Variants in KLHL32 observed in about 807,000 individuals in gnomAD.
The protein encoded by KLHL32 is kelch like family member 32.
Under a neutral mutation model 64.8 loss-of-function variants are expected in KLHL32, and 35 were observed. That is an observed-to-expected ratio of 0.54 (90% CI 0.41 to 0.72). The LOEUF (loss-of-function observed/expected upper bound fraction) is 0.72, where lower values mean the gene tolerates loss of function less well. Ranked by LOEUF, KLHL32 falls within the 30% of genes least tolerant of loss-of-function variation. KLHL32 has a pLI of 0.00. For synonymous variants in KLHL32, 259 were observed against 281.0 expected, an observed-to-expected ratio of 0.92 and a Z score of 0.78; for missense variants, 589 against 768.5, an observed-to-expected ratio of 0.77 and a Z score of 2.76.
At chr6:96,973,949 T>A (rs969511695) in intron 2 of KLHL32, among the ~76,000 whole-genome samples, 1 of 152,088 alleles carries the variant, frequency 6.6e-6, no homozygotes, top group Non-Finnish European at 1.5e-5. Flanking sequence ...CTTGAACTCC[T>A]GACCTCAAGT....
chr6:97,070,094 A>G (rs1259041879), intron 5 of KLHL32, among the ~76,000 whole-genome samples: 1 of 152,088 alleles, frequency 6.6e-6, no homozygotes, highest in Non-Finnish European at 1.5e-5. Flanking sequence ...ACATTAGAGA[A>G]GACAAATGAT....
rs886348703 is a variant in KLHL32 at position 96,982,915 on chromosome 6, A to G, written c.204+6738A>G. ...TGCCCTGGCCACAACTTCCAACACT[A>G]TGTTCAATAGGAGTGGTGAGAGAGG... is the stretch of plus-strand genomic sequence containing the variant. On this transcript the variant is annotated intron_variant, in intron 3 of 10. Transcript: ENST00000369261. 1.1e-4 allele frequency among the ~76,000 whole-genome samples: 17 copies of G among 152,354 alleles called. No individual in the cohort carries two copies. The East Asian group carries it at 2.7e-3, about 24-fold the overall frequency.
At chr6:96,945,633 G>A (rs1367214953) in intron 1 of KLHL32, among the ~76,000 whole-genome samples, 2 of 152,196 alleles carry the variant, frequency 1.3e-5, no homozygotes, top group Non-Finnish European at 2.9e-5. Flanking sequence ...AAACCCCTAT[G>A]GGATCCTGAG....
intron 8 of KLHL32, 42 bp downstream of exon 8, chr6:97,127,504 A>G: frequency 6.8e-7 from 1 of 1,463,710 alleles, no homozygotes; most frequent in Non-Finnish European, 9.6e-7. Flanking sequence ...TAATTAATGA[A>G]TTTTAAAAGA....
At chr6:96,977,759 G>T (rs868587073) in intron 3 of KLHL32, among the ~76,000 whole-genome samples, 12 of 152,154 alleles carry the variant, frequency 7.9e-5, no homozygotes, top group African/African-American at 2.9e-4. Flanking sequence ...CCAAAGCATA[G>T]AAGACAGCCT....
intron 3 of KLHL32, among the ~76,000 whole-genome samples, chr6:97,002,021 T>C (rs1371851731): frequency 1.3e-5 from 2 of 152,204 alleles, no homozygotes; most frequent in African/African-American, 4.8e-5. Flanking sequence ...CTGGCTTACA[T>C]GATTATGGAA....
chr6:96,932,563 T>TCCCC (rs1562168616), intron 1 of KLHL32, among the ~76,000 whole-genome samples: 1 of 111,132 alleles, frequency 9.0e-6, no homozygotes, highest in African/African-American at 4.3e-5. Flanking sequence ...AGTTGTCAAT[T>TCCCC]TCCCCCCCCC....
chr6:97,048,417 C>T (rs372124018), intron 4 of KLHL32, among the ~76,000 whole-genome samples: 15 of 152,142 alleles, frequency 9.9e-5, no homozygotes, highest in Non-Finnish European at 1.6e-4. Flanking sequence ...TGCTTCAATA[C>T]GATCTTTACA....
intron 5 of KLHL32, among the ~76,000 whole-genome samples, chr6:97,074,192 A>G (rs1791219567): frequency 6.6e-6 from 1 of 152,200 alleles, no homozygotes; most frequent in Admixed American, 6.5e-5. Flanking sequence ...GAATCATCTG[A>G]ATGGATGGCT....
At chr6:96,996,308 C>T (rs1034849329) in intron 3 of KLHL32, among the ~76,000 whole-genome samples, 7 of 152,152 alleles carry the variant, frequency 4.6e-5, no homozygotes, top group East Asian at 1.9e-4. Flanking sequence ...CATCTTTTTC[C>T]GTTAGAGGCT....
chr6:96,943,036 TACACACACACACAC>T (rs113696398), intron 1 of KLHL32, among the ~76,000 whole-genome samples: 1 of 146,326 alleles, frequency 6.8e-6, no homozygotes, highest in Non-Finnish European at 1.5e-5. Flanking sequence ...ATGCTCCCTC[TACACACACACACAC>T]ACACACACAC....
chr6:97,066,125 T>C (rs1466330175), intron 5 of KLHL32, among the ~76,000 whole-genome samples: 1 of 152,244 alleles, frequency 6.6e-6, no homozygotes, highest in Non-Finnish European at 1.5e-5. Flanking sequence ...TGTGTTTGAC[T>C]TGTGAAATTA....
chr6:96,988,602 G>T (rs1777423702), intron 3 of KLHL32, among the ~76,000 whole-genome samples: 1 of 152,140 alleles, frequency 6.6e-6, no homozygotes. Flanking sequence ...TCCCATTACT[G>T]GGTATATACC....
At chr6:97,086,517 A>G (rs1793437022) in intron 6 of KLHL32, among the ~76,000 whole-genome samples, 1 of 152,206 alleles carries the variant, frequency 6.6e-6, no homozygotes, top group Non-Finnish European at 1.5e-5. Flanking sequence ...CACTGCATGT[A>G]CCAGATGAAC....
chr6:96,939,026 CT>C (rs1419515411), intron 1 of KLHL32, among the ~76,000 whole-genome samples: 3 of 152,112 alleles, frequency 2.0e-5, no homozygotes, highest in African/African-American at 7.2e-5. Flanking sequence ...TGTAGGCAGT[CT>C]TTTTTGACCA....
intron 3 of KLHL32, among the ~76,000 whole-genome samples, chr6:96,991,370 T>C (rs1777853155): frequency 6.6e-6 from 1 of 151,948 alleles, no homozygotes; most frequent in South Asian, 2.1e-4. Context: ...ATTGGGTTTC[T>C]CTCCGTATGG....
At chr6:97,027,499 A>G (rs1782902166) in intron 3 of KLHL32, among the ~76,000 whole-genome samples, 1 of 152,248 alleles carries the variant, frequency 6.6e-6, no homozygotes, top group African/African-American at 2.4e-5. Context: ...GCTTTGAGGT[A>G]GCCACATGAA....
In KLHL32 at chr6:97,128,105, G is replaced by T. The variant is rs893961226; in HGVS notation, c.1413+643G>T. On this transcript the variant is annotated intron_variant, in intron 8 of 10. Transcript: ENST00000369261. ...TGATTTTGGTAATGTAAATATTTTT[G>T]ATTATGACGGTATTCCAAAATGATT... is the stretch of plus-strand genomic sequence containing the variant. 8.5e-5 allele frequency among the ~76,000 whole-genome samples: 13 copies of T among 152,130 alleles called. 1 individual carries two copies. Among genetic ancestry groups the T allele is most frequent in the Admixed American group, 5.9e-4 (9 of 15,276 alleles).
chr6:97,134,449 T>C (rs1183875013), intron 10 of KLHL32, among the ~76,000 whole-genome samples: 1 of 152,222 alleles, frequency 6.6e-6, no homozygotes, highest in Non-Finnish European at 1.5e-5. Context: ...CATCCAAGCA[T>C]GTATTTGGTA....
Sources: allele counts gnomAD v4.1 joint callset (sites outside exome capture counted in the v4.1 genomes callset), GRCh38; gene constraint gnomAD v4.1.1; transcripts MANE v1.5; gene names NCBI Gene and HGNC (gene_info 2026-07-23, HGNC 2026-07-21).